Variants in AMZ1 observed in about 807,000 individuals in gnomAD.
AMZ1 encodes archaelysin family metallopeptidase 1.
Under a neutral mutation model 29.9 loss-of-function variants are expected in AMZ1, and 39 were observed. That is an observed-to-expected ratio of 1.30 (90% CI 1.01 to 1.70). The LOEUF (loss-of-function observed/expected upper bound fraction) is 1.70. Among genes scored for constraint, AMZ1 ranks in the 40% most tolerant of loss-of-function variants. The pLI is 0.00. For missense variants in AMZ1, 1,041 were observed against 680.6 expected (o/e 1.53, Z -5.89); for synonymous variants, 458 against 304.0 (o/e 1.51, Z -5.27).
At chr7:2,742,604 T>G (rs1014106824) in intron 4 of AMZ1, among the ~76,000 whole-genome samples, 1 of 152,226 alleles carries the variant, frequency 6.6e-6, no homozygotes, top group Non-Finnish European at 1.5e-5. Context: ...CGCCGGCCCT[T>G]TGCGTTTCCA....
chr7:2,734,444 G>C (rs1790055612), intron 4 of AMZ1, among the ~76,000 whole-genome samples: 3 of 152,236 alleles, frequency 2.0e-5, no homozygotes, highest in Admixed American at 2.0e-4. Flanking sequence ...GTCACTTTCT[G>C]TGTTCTCATG....
chr7:2,764,427 C>G (rs1791716767), upstream of AMZ1, among the ~76,000 whole-genome samples: 1 of 152,076 alleles, frequency 6.6e-6, no homozygotes, highest in South Asian at 2.1e-4. Context: ...ATATTGCTGA[C>G]CAGAGGAGAG....
upstream of AMZ1, among the ~76,000 whole-genome samples, chr7:2,764,244 CTT>C (rs35992308): frequency 7.0e-4 from 98 of 139,236 alleles, no homozygotes; most frequent in African/African-American, 1.1e-3. Flanking sequence ...CAGCTAATTT[CTT>C]TTTTTTTTTT....
At chr7:2,744,270 A>G (rs1391885576) in intron 4 of AMZ1, among the ~76,000 whole-genome samples, 1 of 152,228 alleles carries the variant, frequency 6.6e-6, no homozygotes, top group Non-Finnish European at 1.5e-5. Flanking sequence ...GGCACCCCCC[A>G]GTAGGGGCGG....
upstream of AMZ1, among the ~76,000 whole-genome samples, chr7:2,760,014 C>T (rs977733810): frequency 6.6e-6 from 1 of 152,220 alleles, no homozygotes; most frequent in Admixed American, 6.5e-5. Context: ...CAGGAACACT[C>T]AGTTTTAAAA....
chr7:2,686,797 C>G (rs1787095010), upstream of AMZ1, among the ~76,000 whole-genome samples: 1 of 151,824 alleles, frequency 6.6e-6, no homozygotes. Context: ...TCACTGCAAC[C>G]TCCGCCTCCC....
chr7:2,698,353 C>A (rs1232001277), intron 1 of AMZ1, among the ~76,000 whole-genome samples: 1 of 152,140 alleles, frequency 6.6e-6, no homozygotes, highest in Non-Finnish European at 1.5e-5. Context: ...GCCTGGCCAA[C>A]ATGGTGAAAC....
At chr7:2,719,958 G>C (rs1310048953), downstream of AMZ1, among the ~76,000 whole-genome samples, 1 of 152,218 alleles carries the variant, frequency 6.6e-6, no homozygotes, top group Non-Finnish European at 1.5e-5. Context: ...CAGGATTACA[G>C]GCGTCAGCCA....
rs1789237660 is a variant in AMZ1, at chr7:2,718,134, C to G, written c.*5256C>G. ...ACCAGATTCCACCACTGAGGCCTCC[C>G]TCGATGCCTGCTCCCTGGGCTTTTT... On this transcript the variant is annotated 3_prime_UTR_variant, in exon 7 of 7. Coordinates refer to ENST00000683327, the MANE Select transcript of AMZ1 (RefSeq NM_001384743.1). Among the ~76,000 whole-genome samples, 1 of 152,218 alleles carries G rather than the reference C, an allele frequency of 6.6e-6. No homozygotes were observed. Among genetic ancestry groups the G allele is most frequent in the Non-Finnish European group, 1.5e-5 (1 of 68,028 alleles).
intron 4 of AMZ1, chr7:2,728,187 T>A (rs1789705965): frequency 6.6e-6 from 1 of 152,296 alleles, no homozygotes; most frequent in Admixed American, 6.5e-5. Context: ...AGCCAGACCC[T>A]CCCAATGTTA....
chr7:2,738,241 C>T (rs903529524), intron 4 of AMZ1, among the ~76,000 whole-genome samples: 1 of 151,816 alleles, frequency 6.6e-6, no homozygotes, highest in Non-Finnish European at 1.5e-5. Flanking sequence ...ATGGTGAAAC[C>T]CTGTCTGTAC....
chr7:2,762,967 C>A, upstream of AMZ1: 2 of 1,358,084 alleles, frequency 1.5e-6, no homozygotes, highest in Non-Finnish European at 1.9e-6. Flanking sequence ...GGGTCTCCTG[C>A]TCCTCAGAAA....
At position 2,714,704 on chromosome 7, in the gene AMZ1, G is replaced by C. The variant is rs1789016134; in HGVS notation, c.*1826G>C. Reference sequence around the variant, plus strand: ...TCGGTGGAGACGGTTTGCCCCTGTGGCTCGACTGGAGTGTTCGTTCACACG... The same window carrying C: ...TCGGTGGAGACGGTTTGCCCCTGTGCCTCGACTGGAGTGTTCGTTCACACG... On this transcript the variant is annotated 3_prime_UTR_variant, in exon 7 of 7. Transcript: ENST00000683327. 1 of 151,892 alleles carries C rather than the reference G, an allele frequency of 6.6e-6. No homozygotes were observed. Among genetic ancestry groups the C allele is most frequent in the Non-Finnish European group, 1.5e-5 (1 of 67,950 alleles). 9.4% of individuals were successfully genotyped at this position (151,892 alleles called of 1,614,324 possible). A position where few individuals can be genotyped will look rare whatever the true frequency, so the allele number is the denominator to read the frequency against.
intron 1 of AMZ1, among the ~76,000 whole-genome samples, chr7:2,698,323 A>C (rs541411495): frequency 6.6e-6 from 1 of 152,322 alleles, no homozygotes; most frequent in Admixed American, 6.5e-5. Context: ...GGATCACTTG[A>C]GGTCAGGAGT....
At chr7:2,737,904 G>A (rs145868113) in intron 4 of AMZ1, among the ~76,000 whole-genome samples, 4 of 152,092 alleles carry the variant, frequency 2.6e-5, no homozygotes, top group African/African-American at 9.7e-5. Context: ...TTTAAAAACA[G>A]TATCTAGTTC....
At chr7:2,760,283 C>T (rs1457079706), upstream of AMZ1, 2 of 152,530 alleles carry the variant, frequency 1.3e-5, no homozygotes. Flanking sequence ...GCAGCGCTGC[C>T]TCCCTAGGTC....
intron 1 of AMZ1, among the ~76,000 whole-genome samples, chr7:2,681,578 G>A (rs1786885454): frequency 6.6e-6 from 1 of 152,146 alleles, no homozygotes; most frequent in African/African-American, 2.4e-5. Context: ...TGTTATTCTT[G>A]TTGTTGGGGT....
intron 1 of AMZ1, among the ~76,000 whole-genome samples, chr7:2,692,381 T>C (rs1177085474): frequency 6.6e-6 from 1 of 151,372 alleles, no homozygotes; most frequent in Non-Finnish European, 1.5e-5. Flanking sequence ...CTACTAAAAA[T>C]ACAAAAAAAA....
At chr7:2,742,164 G>T (rs550768062) in intron 4 of AMZ1, among the ~76,000 whole-genome samples, 2 of 152,126 alleles carry the variant, frequency 1.3e-5, no homozygotes, top group African/African-American at 4.8e-5. Context: ...TGGGATTACA[G>T]AGGTGCACCA....
Sources: gnomAD v4.1 joint callset for allele counts (sites outside exome capture counted in the v4.1 genomes callset) on GRCh38, gnomAD v4.1.1 for gene constraint, MANE v1.5 for transcripts, NCBI Gene and HGNC (gene_info 2026-07-23, HGNC 2026-07-21) for gene names.